The following BCKDHB variants were observed in gnomAD, a reference collection of about 807,000 sequenced individuals.
The protein encoded by BCKDHB is 2-oxoisovalerate dehydrogenase subunit beta, mitochondrial.
BCKDHB carries 41 observed loss-of-function variants against 48.5 expected under a neutral mutation model. The observed-to-expected ratio is 0.85, with a 90% confidence interval of 0.66 to 1.10. The LOEUF is 1.10. Ranked by LOEUF, BCKDHB falls within the 50% of genes least tolerant of loss-of-function variation. The pLI is 0.00. For synonymous variants in BCKDHB, 201 were observed against 174.8 expected (o/e 1.15, Z -1.18); for missense variants, 496 against 494.2 (o/e 1.00, Z -0.03).
intron 3 of BCKDHB, among the ~76,000 whole-genome samples, chr6:80,147,984 G>A (rs913586854): frequency 6.6e-6 from 1 of 152,116 alleles, no homozygotes; most frequent in African/African-American, 2.4e-5. Flanking sequence ...CCTGTTGGTT[G>A]TTACAATTAG....
At chr6:80,122,397 A>G (rs1045918864) in intron 1 of BCKDHB, among the ~76,000 whole-genome samples, 2 of 152,172 alleles carry the variant, frequency 1.3e-5, no homozygotes, top group South Asian at 2.1e-4. Flanking sequence ...TTCTTTTTCT[A>G]TTGATTGGAA....
intron 8 of BCKDHB, among the ~76,000 whole-genome samples, chr6:80,242,412 A>C (rs1776426273): frequency 1.3e-5 from 2 of 152,178 alleles, no homozygotes. Flanking sequence ...AATAAATTTG[A>C]ATATCTGATA....
chr6:80,423,450 C>T, the BCKDHB span, among the ~76,000 whole-genome samples: 1 of 152,262 alleles, frequency 6.6e-6, no homozygotes, highest in Middle Eastern at 3.4e-3. Flanking sequence ...GGGTTGGAAC[C>T]TCTTATTCCA....
chr6:80,443,240 C>G, the BCKDHB span: 1 of 152,106 alleles, frequency 6.6e-6, no homozygotes, highest in Non-Finnish European at 1.5e-5. Context: ...TACTCTCTTT[C>G]TATTAATATA....
At chr6:80,110,757 G>T (rs9443735) in intron 1 of BCKDHB, among the ~76,000 whole-genome samples, 55,889 of 152,162 alleles carry the variant, frequency 0.37, 12,282 homozygotes, top group Admixed American at 0.56. Context: ...TAAGAGCCCA[G>T]GGGTAAGTAA....
chr6:80,364,093 A>C, the BCKDHB span, among the ~76,000 whole-genome samples: 3 of 151,972 alleles, frequency 2.0e-5, no homozygotes, highest in South Asian at 6.2e-4. Flanking sequence ...AACTAACAAT[A>C]CTCCTACAGT....
intron 8 of BCKDHB, among the ~76,000 whole-genome samples, chr6:80,227,017 G>A (rs949964891): frequency 6.6e-6 from 1 of 152,078 alleles, no homozygotes; most frequent in Non-Finnish European, 1.5e-5. Context: ...TTAAAAAAAA[G>A]TTTGCAACCA....
intron 9 of BCKDHB, among the ~76,000 whole-genome samples, chr6:80,300,222 A>G (rs1011285686): frequency 1.3e-5 from 2 of 151,958 alleles, no homozygotes; most frequent in Non-Finnish European, 2.9e-5. Flanking sequence ...AGCTAATTTT[A>G]GTTGTTTTTA....
intron 9 of BCKDHB, 140 bp from the exon 10 acceptor site, chr6:80,343,524 C>T: frequency 1.1e-6 from 1 of 941,680 alleles, no homozygotes; most frequent in Admixed American, 2.4e-5. Flanking sequence ...CTGCTTTTTT[C>T]ATATTACAGT....
the BCKDHB span, among the ~76,000 whole-genome samples, chr6:80,388,124 T>C: frequency 2.0e-5 from 3 of 152,322 alleles, no homozygotes; most frequent in Middle Eastern, 3.4e-3. Flanking sequence ...ACATTTCTCA[T>C]TTGAGTGTGT....
intron 8 of BCKDHB, among the ~76,000 whole-genome samples, chr6:80,250,757 A>G (rs1776805651): frequency 6.6e-6 from 1 of 152,154 alleles, no homozygotes; most frequent in African/African-American, 2.4e-5. Flanking sequence ...ATAAGAGTCC[A>G]TGGCACAGTG....
intron 6 of BCKDHB, among the ~76,000 whole-genome samples, chr6:80,175,065 G>A (rs1297430603): frequency 6.6e-6 from 1 of 152,166 alleles, no homozygotes; most frequent in Admixed American, 6.6e-5. Context: ...CAGGGCTAGT[G>A]TGATAGTTCC....
At chr6:80,212,969 C>T (rs1255506925) in intron 8 of BCKDHB, among the ~76,000 whole-genome samples, 1 of 152,138 alleles carries the variant, frequency 6.6e-6, no homozygotes, top group East Asian at 1.9e-4. Flanking sequence ...CTTCCAAGTT[C>T]TGTGACAGCA....
chr6:80,172,421 C>T (rs1328870048), intron 6 of BCKDHB, among the ~76,000 whole-genome samples: 1 of 151,934 alleles, frequency 6.6e-6, no homozygotes, highest in African/African-American at 2.4e-5. Flanking sequence ...GTCATTACAT[C>T]ATACGAATAT....
At chr6:80,381,880 A>T in the BCKDHB span, among the ~76,000 whole-genome samples, 1 of 152,064 alleles carries the variant, frequency 6.6e-6, no homozygotes, top group African/African-American at 2.4e-5. Context: ...TAATCCTCTG[A>T]GGCATGAAGA....
chr6:80,290,058 T>C (rs1173041981), intron 9 of BCKDHB, among the ~76,000 whole-genome samples: 1 of 152,202 alleles, frequency 6.6e-6, no homozygotes, highest in East Asian at 1.9e-4. Flanking sequence ...AGTATGTTGC[T>C]CTACCTGAGT....
At chr6:80,410,133 G>A in the BCKDHB span, among the ~76,000 whole-genome samples, 5 of 152,186 alleles carry the variant, frequency 3.3e-5, no homozygotes, top group East Asian at 1.9e-4. Context: ...CTCTTGTAAG[G>A]CAGGCCTGGT....
intron 9 of BCKDHB, among the ~76,000 whole-genome samples, chr6:80,327,082 T>C (rs571941762): frequency 1.3e-5 from 2 of 152,194 alleles, no homozygotes; most frequent in Non-Finnish European, 2.9e-5. Context: ...AAGTTTGACA[T>C]AAGTATAAGC....
chr6:80,153,617 T>C lies in BCKDHB; in HGVS notation c.344-14061T>C, dbSNP rs144883277. ...CAACTATTAAGTCCTGTTGGTTCTATAGTGTTTCTCAAATTCTTTCTTCTT... is the reference window on the plus strand; with the variant it reads ...CAACTATTAAGTCCTGTTGGTTCTACAGTGTTTCTCAAATTCTTTCTTCTT... On this transcript the variant is annotated intron_variant, in intron 3 of 9. Coordinates refer to ENST00000320393, the MANE Select transcript of BCKDHB (RefSeq NM_183050.4). 6.6e-5 allele frequency among the ~76,000 whole-genome samples: 10 copies of C among 152,332 alleles called. No homozygotes were observed. In the East Asian group the frequency reaches 1.9e-3, roughly 29 times the overall value.
Sources: gnomAD v4.1 joint callset for allele counts (sites outside exome capture counted in the v4.1 genomes callset) on GRCh38, gnomAD v4.1.1 for gene constraint, MANE v1.5 for transcripts, NCBI Gene and HGNC (gene_info 2026-07-23, HGNC 2026-07-21) for gene names.